Variants in THYN1 observed in about 807,000 individuals in gnomAD.
THYN1 encodes the protein thymocyte nuclear protein 1.
THYN1 carries 32 observed loss-of-function variants against 30.6 expected under a neutral mutation model. That is an observed-to-expected ratio of 1.05 (90% CI 0.79 to 1.40). The LOEUF (loss-of-function observed/expected upper bound fraction) is 1.40, where lower values mean the gene tolerates loss of function less well. Among genes scored for constraint, THYN1 ranks in the 40% most tolerant of loss-of-function variants. THYN1 has a pLI of 0.00. For missense variants in THYN1, 259 were observed against 272.6 expected, an observed-to-expected ratio of 0.95 and a Z score of 0.35; for synonymous variants, 107 against 90.8, an observed-to-expected ratio of 1.18 and a Z score of -1.01.
intron 1 of THYN1, 22 bp downstream of exon 1, chr11:134,252,818 G>A (rs371840753): frequency 3.0e-4 from 489 of 1,613,456 alleles, no homozygotes; most frequent in Non-Finnish European, 3.9e-4. Flanking sequence ...GGCTGCCTTT[G>A]TGCAGCCTAG....
intron 5 of THYN1, 80 bp from the exon 6 acceptor site, chr11:134,249,039 G>A (rs1938920062): frequency 2.5e-6 from 4 of 1,579,438 alleles, no homozygotes; most frequent in African/African-American, 1.4e-5. Flanking sequence ...CCCACAGGAA[G>A]CTCCTATCTC....
In THYN1 at chr11:134,248,814, GT is replaced by G. The variant is rs1938905499; in HGVS notation, c.625del (p.Thr209ProfsTer9). 6.2e-7 allele frequency: 1 copy of G among 1,614,024 alleles called. No individual in the cohort carries two copies. The highest frequency in any genetic ancestry group is 8.5e-7 in the Non-Finnish European group (1 of 1,180,006). On this transcript the variant is annotated frameshift_variant, in exon 6 of 7. Transcript: ENST00000341541. LOFTEE classifies it high-confidence loss of function. ...AGGAGAGGGCCCACTCTTACCCTGGGTCAGGGGCTGGATTGATAATCTCTGG... is the reference window on the plus strand; with the variant it reads ...AGGAGAGGGCCCACTCTTACCCTGGGCAGGGGCTGGATTGATAATCTCTGG... Reference protein sequence around the residue: ...TRQRLSIQPLTQEEFDFVLSL... With the variant: ...TRQRLSIQPLXQEEFDFVLSL...
chr11:134,250,826 T>C (rs1350726537), intron 2 of THYN1, among the ~76,000 whole-genome samples: 1 of 152,168 alleles, frequency 6.6e-6, no homozygotes. Flanking sequence ...CAGCCACAGC[T>C]GTTTACTTAT....
In THYN1 at chr11:134,251,266, C is replaced by CA. The variant is rs1939037103; in HGVS notation, c.85_86insT (p.Gly29ValfsTer2). 6.2e-7 allele frequency: 1 copy of CA among 1,613,726 alleles called. No individual in the cohort carries two copies. ...GTCCTCCACTTTAGCTAATGCCTCA[C>CA]CTGAGTTCTCAGTTTTGGTGCGTTT... On this transcript the variant is annotated frameshift_variant, in exon 2 of 7. Transcript: ENST00000341541. LOFTEE classifies it high-confidence loss of function.
In THYN1 at chr11:134,253,332, C is replaced by G; in HGVS notation, c.-450G>C. 7.1e-7 allele frequency: 1 copy of G among 1,405,506 alleles called. No individual in the cohort carries two copies. The highest frequency in any genetic ancestry group is 9.2e-7 in the Non-Finnish European group (1 of 1,081,306). 87.1% of individuals were successfully genotyped at this position (1,405,506 alleles called of 1,614,324 possible). On this transcript the variant is annotated 5_prime_UTR_variant, in exon 1 of 7. Coordinates refer to ENST00000341541, the MANE Select transcript of THYN1 (RefSeq NM_014174.3). ...CTGCAGACTCGACTGCGGTCCGCCT[C>G]CGCTGCGCCGCAGGCTGTGCAGCGC...
chr11:134,252,754 G>A, intron 1 of THYN1, 86 bp downstream of exon 1: 1 of 1,454,318 alleles, frequency 6.9e-7, no homozygotes, highest in Non-Finnish European at 9.6e-7. Context: ...TTCTCAAAAA[G>A]CAGGGAGTGA....
Position 134,249,183 on chromosome 11 carries a change from T to C in THYN1, c.464A>G (p.Asn155Ser). 6.2e-7 allele frequency: 1 copy of C among 1,613,886 alleles called. No homozygotes were observed. The highest frequency in any genetic ancestry group is 8.5e-7 in the Non-Finnish European group (1 of 1,179,904). Residue 155 changes from asparagine to serine, a missense_variant, in exon 5 of 7, where the codon AAC (asparagine) becomes AGC (serine). Transcript: ENST00000341541. ...AGTCTTTACCATGGACCACTTAGGG[T>C]TGTCCTCTTTGCTAGATGGGTCATA... ...PHYDPSSKEDNPKWSMVDVQF... is the reference protein window; with the variant it reads ...PHYDPSSKEDSPKWSMVDVQF...
At position 134,248,413 on chromosome 11, in the gene THYN1, G is replaced by A. The variant is rs767232016; in HGVS notation, c.*25C>T. 2.0e-5 allele frequency: 33 copies of A among 1,613,526 alleles called. No homozygotes were observed. Among genetic ancestry groups the A allele is most frequent in the South Asian group, 1.3e-4 (12 of 91,070 alleles). On this transcript the variant is annotated 3_prime_UTR_variant, in exon 7 of 7. Transcript: ENST00000341541. ...CTTGACTTCTTTGCAGCAATGTCTC[G>A]CCCATTCCAGCAGCAGTATCTCAGT... is the stretch of plus-strand genomic sequence containing the variant.
At chr11:134,248,986 A>T (rs1938917362) in intron 5 of THYN1, 27 bp from the exon 6 acceptor site, 2 of 1,613,500 alleles carry the variant, frequency 1.2e-6, no homozygotes, top group Admixed American at 1.7e-5. Flanking sequence ...TACATGACAG[A>T]AAGACGTGTC....
chr11:134,249,389 A>G (rs1319027254), intron 4 of THYN1, 127 bp from the exon 5 acceptor site: 7 of 823,436 alleles, frequency 8.5e-6, no homozygotes, highest in South Asian at 1.5e-5. Flanking sequence ...TGTACAGCCA[A>G]TGGGGGCTCA....
Position 134,248,960 on chromosome 11 carries a change from C to T in THYN1, c.481-1G>A, listed in dbSNP as rs1938916273. The T allele has an allele frequency of 1.2e-6, 2 of 1,614,086 alleles. No homozygotes were observed. Among genetic ancestry groups the T allele is most frequent in the Non-Finnish European group, 1.7e-6 (2 of 1,180,044 alleles). On this transcript the variant is annotated splice_acceptor_variant, in intron 5 of 6. Coordinates refer to ENST00000341541, the MANE Select transcript of THYN1 (RefSeq NM_014174.3). LOFTEE classifies it high-confidence loss of function. ...TCATCCGAACAAACTGTACATCCAC[C>T]TATGTGACAACAGTGTACATGACAG...
Position 134,248,356 on chromosome 11 carries a change from C to T in THYN1, c.*82G>A, listed in dbSNP as rs556541008. On this transcript the variant is annotated 3_prime_UTR_variant, in exon 7 of 7. Transcript: ENST00000341541. ...CACAAGCCCAGGTAAGCATACCAAG[C>T]AAGCCCCCTCACACCTTTTGTCTGA... The T allele has an allele frequency of 2.7e-4, 412 of 1,518,808 alleles. 1 individual carries two copies. The highest frequency in any genetic ancestry group is 6.8e-4 in the Middle Eastern group (4 of 5,874). 94.1% of individuals were successfully genotyped at this position (1,518,808 alleles called of 1,614,324 possible).
chr11:134,250,494 A>G (rs745818515), intron 2 of THYN1, 151 bp from the exon 3 acceptor site: 4 of 777,352 alleles, frequency 5.1e-6, no homozygotes, highest in South Asian at 3.6e-5. Context: ...CCACAGAGAC[A>G]CTTTTGCTGG....
chr11:134,252,421 G>C (rs1040152221), intron 1 of THYN1, among the ~76,000 whole-genome samples: 1 of 152,130 alleles, frequency 6.6e-6, no homozygotes, highest in African/African-American at 2.4e-5. Flanking sequence ...CGTTTTCTTA[G>C]TACTAAACTT....
Position 134,248,851 on chromosome 11 carries a change from G to C in THYN1, c.589C>G (p.Leu197Val). ...ATTGATAATCTCTGGCGAGTGAAGA[G>C]AACCATATTTTTTAAGGGGCCACCA... ...ATGGPLKNMV[L>V]FTRQRLSIQP... The change falls in exon 6 of 7, where the codon CTC becomes GTC. Residue 197 changes from leucine to valine, a missense_variant. Physicochemically the swap from Leu to Val is conservative, Grantham distance 32. Transcript: ENST00000341541. 18 of 1,614,204 alleles carry C rather than the reference G, an allele frequency of 1.1e-5. No individual in the cohort carries two copies. The highest frequency in any genetic ancestry group is 1.5e-5 in the Non-Finnish European group (18 of 1,180,030).
rs772024229 is a variant in THYN1 at position 134,249,845 on chromosome 11, T to C, written c.367A>G (p.Ile123Val). The change falls in exon 4 of 7, where the codon ATC becomes GTC. Residue 123 changes from isoleucine (I) to valine (V), a missense_variant. By Grantham distance (29) the Ile-to-Val change is conservative. Transcript: ENST00000341541. ...FYHSNCKEPG[I>V]AGLMKIVKEA... ...CAACTAACCTTCATGAGTCCTGCGA[T>C]GCCTGGCTCTTTGCAGTTGCTATGG... 8.7e-6 allele frequency: 14 copies of C among 1,614,222 alleles called. No homozygotes were observed. Among genetic ancestry groups the C allele is most frequent in the South Asian group, 1.1e-5 (1 of 91,084 alleles).
intron 2 of THYN1, among the ~76,000 whole-genome samples, 160 bp downstream of exon 2, chr11:134,250,970 A>G (rs1356181389): frequency 6.6e-6 from 1 of 152,228 alleles, no homozygotes; most frequent in African/African-American, 2.4e-5. Context: ...ACAGGTTCAC[A>G]AACCAGCTGA....
intron 3 of THYN1, 36 bp from the exon 4 acceptor site, chr11:134,249,956 C>A (rs764864831): frequency 3.8e-6 from 6 of 1,592,276 alleles, no homozygotes; most frequent in Non-Finnish European, 4.3e-6. Flanking sequence ...TATCCTCCCA[C>A]CAGCTGGAAA....
intron 1 of THYN1, chr11:134,251,564 C>CATGTACAGTACAT: frequency 2.5e-6 from 1 of 397,366 alleles, no homozygotes; most frequent in Non-Finnish European, 4.5e-6. Context: ...ATTAAAGGTC[C>CATGTACAGTACAT]GGACAGTAGT....
Sources: gnomAD v4.1 joint callset for allele counts (sites outside exome capture counted in the v4.1 genomes callset) on GRCh38, gnomAD v4.1.1 for gene constraint, MANE v1.5 for transcripts, NCBI Gene and HGNC (gene_info 2026-07-23, HGNC 2026-07-21) for gene names.